The following PTPN11 variants were observed in gnomAD, a reference collection of about 807,000 sequenced individuals.
The protein encoded by PTPN11 is protein tyrosine phosphatase non-receptor type 11, also known as tyrosine-protein phosphatase non-receptor type 11.
In PTPN11, 6 loss-of-function variants were observed where a neutral mutation model predicts 78.8. The ratio of observed to expected loss-of-function variants is 0.08; its 90% CI spans 0.04 to 0.15. PTPN11 has a LOEUF of 0.15. Among genes scored for constraint, PTPN11 ranks in the 10% least tolerant of loss-of-function variants. PTPN11 has a pLI of 1.00. For missense variants in PTPN11, 386 were observed against 744.8 expected (o/e 0.52, Z 5.61); for synonymous variants, 221 against 263.5 (o/e 0.84, Z 1.56).
chr12:112,420,247 T>A (rs929792137), intron 1 of PTPN11, among the ~76,000 whole-genome samples: 2 of 152,250 alleles, frequency 1.3e-5, no homozygotes, highest in Non-Finnish European at 2.9e-5. Context: ...AGACCCATTG[T>A]CTATTCTTTT....
intron 2 of PTPN11, among the ~76,000 whole-genome samples, chr12:112,449,789 G>A (rs1030280742): frequency 2.6e-5 from 4 of 152,092 alleles, no homozygotes; most frequent in African/African-American, 9.7e-5. Flanking sequence ...AGGTAGGCCG[G>A]GCGTGGTGGC....
chr12:112,504,254 G>C lies in PTPN11; in HGVS notation c.1713-441G>C, dbSNP rs1394138429. Among the ~76,000 whole-genome samples the C allele has an allele frequency of 6.6e-6, 1 of 152,162 alleles. No homozygotes were observed. Among genetic ancestry groups the C allele is most frequent in the African/African-American group, 2.4e-5 (1 of 41,426 alleles). On this transcript the variant is annotated intron_variant, in intron 14 of 15. Coordinates refer to ENST00000351677, the MANE Select transcript of PTPN11 (RefSeq NM_002834.5). This position sits in a 1 kb window ranked among gnomAD's most constrained non-coding sequence, Gnocchi z 4.7. ...TCTGTCGCCCAGGCTGGAGTGCAGT[G>C]GCACGATCTCTGCTCACTGCAACCT...
At chr12:112,432,459 A>C (rs1013113131) in intron 1 of PTPN11, among the ~76,000 whole-genome samples, 5 of 152,052 alleles carry the variant, frequency 3.3e-5, no homozygotes, top group Non-Finnish European at 7.4e-5. Context: ...TGAGGTCAGG[A>C]GTTTGAGACC....
chr12:112,479,173 C>T (rs1252570829), intron 9 of PTPN11, among the ~76,000 whole-genome samples: 3 of 152,180 alleles, frequency 2.0e-5, no homozygotes, highest in African/African-American at 7.2e-5. Context: ...TAAATTGTAA[C>T]ACCCCACACC....
rs1198966953 is a variant in PTPN11 at position 112,425,002 on chromosome 12, GTGTGTGTA to G, written c.14+5881_14+5888del. ...TGTGTGTGTGTGTGTGTGTGTGTGT[GTGTGTGTA>G]TGTAGAGATGGGGTTTTGCCATGTT... is the stretch of plus-strand genomic sequence containing the variant. On this transcript the variant is annotated intron_variant, in intron 1 of 15. Transcript: ENST00000351677. 3.8e-3 allele frequency among the ~76,000 whole-genome samples: 537 copies of G among 143,120 alleles called. 10 individuals carry two copies. Among genetic ancestry groups the G allele is most frequent in the African/African-American group, 0.013 (497 of 37,106 alleles). 93.9% of individuals were successfully genotyped at this position (143,120 alleles called of 152,430 possible). A position where few individuals can be genotyped will look rare whatever the true frequency, so the allele number is the denominator to read the frequency against.
chr12:112,449,099 C>G (rs2038037939), intron 2 of PTPN11, among the ~76,000 whole-genome samples: 1 of 151,104 alleles, frequency 6.6e-6, no homozygotes, highest in Non-Finnish European at 1.5e-5. Flanking sequence ...GTTGGCCAGG[C>G]TGGTATCGGT....
chr12:112,479,820 G>A (rs941959872), intron 9 of PTPN11, among the ~76,000 whole-genome samples: 11 of 152,080 alleles, frequency 7.2e-5, no homozygotes, highest in Admixed American at 7.2e-4. Flanking sequence ...CAGGCATTAG[G>A]GCCAAATCAC....
intron 1 of PTPN11, among the ~76,000 whole-genome samples, chr12:112,444,452 C>G (rs1048379035): frequency 2.0e-5 from 3 of 152,190 alleles, no homozygotes; most frequent in Admixed American, 6.5e-5. Flanking sequence ...AGCGATTCTC[C>G]TGCCTCAGCC....
At chr12:112,456,766 TG>T (rs1440943321) in intron 6 of PTPN11, among the ~76,000 whole-genome samples, 2 of 151,836 alleles carry the variant, frequency 1.3e-5, no homozygotes, top group African/African-American at 2.4e-5. Flanking sequence ...ATCTAATTTT[TG>T]TATTTTTTTG....
chr12:112,477,536 T>G lies in PTPN11; in HGVS notation c.854-115T>G, dbSNP rs1021258696. ...CCTGGGCTTTAATTTTTATGTGTTT[T>G]TTTTTCAATCATTGAATGAACAAAA... On this transcript the variant is annotated intron_variant, in intron 7 of 15. Transcript: ENST00000351677. 8 of 819,800 alleles carry G rather than the reference T, an allele frequency of 9.8e-6. No individual in the cohort carries two copies. The Admixed American group carries it at 1.2e-4, about 12-fold the overall frequency. The allele number at this position is 819,800 out of a possible 1,614,324, so 50.8% of individuals were successfully genotyped here.
chr12:112,462,285 G>T (rs2038259836), intron 6 of PTPN11, among the ~76,000 whole-genome samples: 1 of 152,040 alleles, frequency 6.6e-6, no homozygotes. Context: ...TTAAGCCCAG[G>T]AGTTTGAAGC....
chr12:112,457,169 G>A (rs2038175398), intron 6 of PTPN11: 2 of 327,088 alleles, frequency 6.1e-6, no homozygotes, highest in Admixed American at 4.1e-5. Context: ...AGCACTTTGA[G>A]AGGGTGAGGC....
At chr12:112,423,742 T>C (rs895482729) in intron 1 of PTPN11, among the ~76,000 whole-genome samples, 10 of 140,176 alleles carry the variant, frequency 7.1e-5, no homozygotes, top group Non-Finnish European at 7.8e-5. Context: ...TACAATGTCT[T>C]TTTTTTTTTT....
intron 6 of PTPN11, among the ~76,000 whole-genome samples, chr12:112,471,660 G>A (rs1172667461): frequency 6.7e-6 from 1 of 148,510 alleles, no homozygotes; most frequent in Non-Finnish European, 1.5e-5. Flanking sequence ...ATTTAAGGGA[G>A]AACACAGTGG....
chr12:112,467,183 T>G (rs2038341294), intron 6 of PTPN11, among the ~76,000 whole-genome samples: 1 of 152,060 alleles, frequency 6.6e-6, no homozygotes, highest in Non-Finnish European at 1.5e-5. Context: ...GTACTCACAG[T>G]CAGTAGTGCC....
chr12:112,502,916 G>A (rs1285808119), intron 14 of PTPN11, among the ~76,000 whole-genome samples: 1 of 152,178 alleles, frequency 6.6e-6, no homozygotes, highest in Admixed American at 6.5e-5. Context: ...TTAATGATGT[G>A]TTAAGGCTCT....
intron 2 of PTPN11, among the ~76,000 whole-genome samples, chr12:112,449,385 T>C (rs1202253474): frequency 6.6e-6 from 1 of 151,638 alleles, no homozygotes; most frequent in East Asian, 2.0e-4. Flanking sequence ...CGGGCGCCTG[T>C]AGTCCCAGCT....
chr12:112,492,480 G>A (rs1363149587), intron 13 of PTPN11, among the ~76,000 whole-genome samples: 3 of 151,304 alleles, frequency 2.0e-5, no homozygotes, highest in Non-Finnish European at 4.4e-5. Context: ...TATCTTGTGG[G>A]TAGATACTGG....
intron 1 of PTPN11, among the ~76,000 whole-genome samples, chr12:112,429,262 A>G (rs1445378861): frequency 6.6e-6 from 1 of 152,190 alleles, no homozygotes; most frequent in Admixed American, 6.6e-5. Context: ...TACTGTCTCC[A>G]GCCTCTGTGC....
Sources: gnomAD v4.1 joint callset for allele counts (sites outside exome capture counted in the v4.1 genomes callset) on GRCh38, gnomAD v4.1.1 for gene constraint, Gnocchi (gnomAD v3.1) non-coding constraint, MANE v1.5 for transcripts, NCBI Gene and HGNC (gene_info 2026-07-23, HGNC 2026-07-21) for gene names.